PPP2R2C: variants seen among roughly 807,000 people sequenced by gnomAD.
The protein encoded by PPP2R2C is protein phosphatase 2 regulatory subunit Bgamma.
Under a neutral mutation model 45.3 loss-of-function variants are expected in PPP2R2C, and 10 were observed. The ratio of observed to expected loss-of-function variants is 0.22; its 90% CI spans 0.14 to 0.37. The LOEUF (loss-of-function observed/expected upper bound fraction) is 0.37. Ranked by LOEUF, PPP2R2C falls within the 10% of genes least tolerant of loss-of-function variation. The pLI is 1.00. For synonymous variants in PPP2R2C, 257 were observed against 245.4 expected, an observed-to-expected ratio of 1.05 and a Z score of -0.44; for missense variants, 308 against 619.7, an observed-to-expected ratio of 0.50 and a Z score of 5.34.
intron 1 of PPP2R2C, among the ~76,000 whole-genome samples, chr4:6,447,043 C>T (rs1720460363): frequency 6.6e-6 from 1 of 152,056 alleles, no homozygotes; most frequent in African/African-American, 2.4e-5. Flanking sequence ...GAGGTCCTGC[C>T]AGGAAGCTGT....
At chr4:6,346,146 G>A (rs1413268357) in intron 6 of PPP2R2C, among the ~76,000 whole-genome samples, 1 of 152,112 alleles carries the variant, frequency 6.6e-6, no homozygotes, top group Non-Finnish European at 1.5e-5. Flanking sequence ...CCTCAGTGGG[G>A]TCACCATTTC....
At chr4:6,483,114 G>C (rs1156482586) in intron 2 of PPP2R2C, among the ~76,000 whole-genome samples, 2 of 53,604 alleles carry the variant, frequency 3.7e-5, no homozygotes, top group African/African-American at 8.9e-5. Context: ...TAGATAAATG[G>C]ATAGATAGAT....
rs762687358 is a variant in PPP2R2C at position 6,331,843 on chromosome 4, A to G, written c.960+1719T>C. On this transcript the variant is annotated intron_variant, in intron 7 of 8. Coordinates refer to ENST00000382599, the MANE Select transcript of PPP2R2C (RefSeq NM_020416.4). The surrounding 1 kb of genome is among the most constrained non-coding windows in gnomAD (Gnocchi z 5.9). ...CCAGACTCCCTGTTGTGGGAGAAAAATAGCCCCGATTTGTTAAGCACCGCA... is the reference window on the plus strand; with the variant it reads ...CCAGACTCCCTGTTGTGGGAGAAAAGTAGCCCCGATTTGTTAAGCACCGCA... Among the ~76,000 whole-genome samples the G allele has an allele frequency of 6.6e-6, 1 of 152,112 alleles. No individual in the cohort carries two copies.
intron 1 of PPP2R2C, among the ~76,000 whole-genome samples, chr4:6,553,474 G>A (rs149817812): frequency 1.3e-5 from 2 of 152,324 alleles, no homozygotes; most frequent in East Asian, 1.9e-4. Context: ...CACCAGCAAC[G>A]GTATCATTGA....
chr4:6,375,683 C>T (rs924782079), intron 4 of PPP2R2C, 136 bp downstream of exon 4: 8 of 690,188 alleles, frequency 1.2e-5, no homozygotes, highest in Admixed American at 2.9e-5. Context: ...GGAAGACGCC[C>T]GTGGCCGCCC....
intron 1 of PPP2R2C, among the ~76,000 whole-genome samples, chr4:6,430,828 G>C (rs1402798913): frequency 6.6e-6 from 1 of 152,134 alleles, no homozygotes; most frequent in Non-Finnish European, 1.5e-5. Flanking sequence ...GTGAGGCTGA[G>C]GCAGGAGAAT....
chr4:6,337,112 G>GTGTGTGTGTGTATATATA (rs1202845732), intron 6 of PPP2R2C, among the ~76,000 whole-genome samples: 2 of 30,102 alleles, frequency 6.6e-5, no homozygotes, highest in African/African-American at 2.1e-4. Context: ...ATGTGTGTGT[G>GTGTGTGTGTGTATATATA]TATATATATA....
At chr4:6,536,290 A>T (rs1724611511) in intron 1 of PPP2R2C, among the ~76,000 whole-genome samples, 1 of 152,210 alleles carries the variant, frequency 6.6e-6, no homozygotes, top group South Asian at 2.1e-4. Flanking sequence ...AGTTGAACAG[A>T]TTTCAACAAC....
chr4:6,395,804 A>T (rs936473219), intron 1 of PPP2R2C, among the ~76,000 whole-genome samples: 1 of 151,842 alleles, frequency 6.6e-6, no homozygotes, highest in African/African-American at 2.4e-5. Context: ...TCTCCTGAGG[A>T]CCCTCTTTAC....
rs1045539028 is a variant in PPP2R2C at position 6,345,173 on chromosome 4, G to A, written c.790+2673C>T. Among the ~76,000 whole-genome samples, 19 of 152,264 alleles carry A rather than the reference G, an allele frequency of 1.2e-4. No homozygotes were observed. Among genetic ancestry groups the A allele is most frequent in the Middle Eastern group, 3.4e-3 (1 of 294 alleles). Reference sequence around the variant, plus strand: ...ATCCTCCTTCCCACAGGGCTCACACGGGGTCAGCAGCGGACCAGGAGCAGG... The same window carrying A: ...ATCCTCCTTCCCACAGGGCTCACACAGGGTCAGCAGCGGACCAGGAGCAGG... On this transcript the variant is annotated intron_variant, in intron 6 of 8. Coordinates refer to ENST00000382599, the MANE Select transcript of PPP2R2C (RefSeq NM_020416.4). The surrounding 1 kb of genome is among the most constrained non-coding windows in gnomAD (Gnocchi z 5.3).
intron 1 of PPP2R2C, among the ~76,000 whole-genome samples, chr4:6,461,251 T>A: frequency 6.6e-6 from 1 of 152,142 alleles, no homozygotes; most frequent in Non-Finnish European, 1.5e-5. Flanking sequence ...AGGGGTTGAG[T>A]GAGGGTGTCT....
At chr4:6,534,641 A>G (rs1724536644) in intron 2 of PPP2R2C, among the ~76,000 whole-genome samples, 1 of 151,794 alleles carries the variant, frequency 6.6e-6, no homozygotes, top group African/African-American at 2.4e-5. Context: ...ACATATCAAC[A>G]CACACAGCCC....
chr4:6,393,681 A>G (rs1577141910), intron 1 of PPP2R2C, among the ~76,000 whole-genome samples: 1 of 152,174 alleles, frequency 6.6e-6, no homozygotes, highest in Non-Finnish European at 1.5e-5. Context: ...CGGGGAGGCC[A>G]GGGGCTGTGG....
At chr4:6,430,651 A>G (rs1018827485) in intron 1 of PPP2R2C, among the ~76,000 whole-genome samples, 4 of 152,270 alleles carry the variant, frequency 2.6e-5, no homozygotes, top group Admixed American at 6.5e-5. Flanking sequence ...CCAGCCGGGC[A>G]CGGTGGCTCA....
chr4:6,395,607 A>G, intron 1 of PPP2R2C, among the ~76,000 whole-genome samples: 1 of 152,150 alleles, frequency 6.6e-6, no homozygotes. Flanking sequence ...GCGGGGGCTG[A>G]TCAGCAGGTC....
At chr4:6,537,521 C>G (rs1724666497) in intron 1 of PPP2R2C, among the ~76,000 whole-genome samples, 1 of 151,016 alleles carries the variant, frequency 6.6e-6, no homozygotes, top group Non-Finnish European at 1.5e-5. Flanking sequence ...CTGACACATG[C>G]TACAATGTAG....
chr4:6,509,758 T>A (rs1178076417), intron 2 of PPP2R2C, among the ~76,000 whole-genome samples: 4 of 152,238 alleles, frequency 2.6e-5, no homozygotes, highest in Non-Finnish European at 5.9e-5. Context: ...ACCTTCTAGC[T>A]GGGTGGCTTT....
intron 1 of PPP2R2C, among the ~76,000 whole-genome samples, chr4:6,547,780 C>T (rs542428893): frequency 2.0e-5 from 3 of 152,182 alleles, no homozygotes; most frequent in Non-Finnish European, 2.9e-5. Context: ...CAACGGGACA[C>T]AGGCCTCTCA....
chr4:6,385,511 T>C (rs2109322315), intron 1 of PPP2R2C, among the ~76,000 whole-genome samples: 1 of 152,234 alleles, frequency 6.6e-6, no homozygotes, highest in Middle Eastern at 3.4e-3. Flanking sequence ...CCTTCCTGGA[T>C]AGTCCCCTTT....
Sources: allele counts gnomAD v4.1 joint callset (sites outside exome capture counted in the v4.1 genomes callset), GRCh38; gene constraint gnomAD v4.1.1; non-coding constraint Gnocchi (gnomAD v3.1); transcripts MANE v1.5; gene names NCBI Gene and HGNC (gene_info 2026-07-23, HGNC 2026-07-21).